The following MYT1L variants were observed in gnomAD, a reference collection of about 807,000 sequenced individuals.
The protein encoded by MYT1L is myelin transcription factor 1 like.
MYT1L carries 12 observed loss-of-function variants against 126.7 expected under a neutral mutation model. The observed-to-expected ratio is 0.09, with a 90% CI of 0.06 to 0.15. The LOEUF (loss-of-function observed/expected upper bound fraction) is 0.15. Among genes scored for constraint, MYT1L ranks in the 10% least tolerant of loss-of-function variants. MYT1L has a pLI of 1.00. For missense variants in MYT1L, 979 were observed against 1,585.2 expected (o/e 0.62, Z 6.49); for synonymous variants, 541 against 604.2 (o/e 0.90, Z 1.53).
intron 10 of MYT1L, among the ~76,000 whole-genome samples, chr2:1,921,558 T>A (rs994904095): frequency 6.6e-6 from 1 of 152,206 alleles, no homozygotes; most frequent in Non-Finnish European, 1.5e-5. Context: ...TTTTTGAGTG[T>A]TTTATAATAA....
intron 2 of MYT1L, among the ~76,000 whole-genome samples, chr2:2,279,421 A>G (rs1186236007): frequency 1.4e-5 from 2 of 143,218 alleles, no homozygotes; most frequent in Admixed American, 6.9e-5. Flanking sequence ...AAGGAGGAAG[A>G]GGGAAAGGTG....
At chr2:2,080,079 G>T (rs2075656280) in intron 3 of MYT1L, among the ~76,000 whole-genome samples, 1 of 152,166 alleles carries the variant, frequency 6.6e-6, no homozygotes, top group Non-Finnish European at 1.5e-5. Flanking sequence ...GGGAAATCAA[G>T]TCTTTTTAAT....
At chr2:1,986,485 A>G (rs1383997252) in intron 5 of MYT1L, among the ~76,000 whole-genome samples, 3 of 152,232 alleles carry the variant, frequency 2.0e-5, no homozygotes, top group African/African-American at 7.2e-5. Context: ...AGCTAATGGA[A>G]CATTTGAAAC....
chr2:1,845,587 G>T (rs1436208106), intron 19 of MYT1L, among the ~76,000 whole-genome samples: 1 of 152,000 alleles, frequency 6.6e-6, no homozygotes, highest in Non-Finnish European at 1.5e-5. Flanking sequence ...CCCCATTGCT[G>T]CTCTCCTCAC....
At chr2:1,854,263 G>A (rs778474632) in intron 18 of MYT1L, among the ~76,000 whole-genome samples, 20 of 152,040 alleles carry the variant, frequency 1.3e-4, no homozygotes, top group South Asian at 6.2e-4. Context: ...GGGTGGCGGG[G>A]GAACACTGTG....
At chr2:1,993,873 G>A (rs895190373) in intron 5 of MYT1L, among the ~76,000 whole-genome samples, 1 of 152,134 alleles carries the variant, frequency 6.6e-6, no homozygotes, top group Non-Finnish European at 1.5e-5. Context: ...GAGGGTAAGC[G>A]TTCTCTCACA....
intron 3 of MYT1L, among the ~76,000 whole-genome samples, chr2:2,111,854 C>T (rs1041154771): frequency 2.0e-5 from 3 of 152,230 alleles, no homozygotes; most frequent in African/African-American, 7.2e-5. Flanking sequence ...CTGGCCTGTG[C>T]CCTGTCTCCT....
At chr2:1,997,523 C>T (rs1200517719) in intron 4 of MYT1L, among the ~76,000 whole-genome samples, 176 bp from the exon 5 acceptor site, 2 of 152,226 alleles carry the variant, frequency 1.3e-5, no homozygotes, top group Non-Finnish European at 2.9e-5. Flanking sequence ...AGTTTATTCT[C>T]CTAGGCTTGA....
chr2:2,260,659 T>A (rs1644930836), intron 2 of MYT1L, among the ~76,000 whole-genome samples: 3 of 133,742 alleles, frequency 2.2e-5, no homozygotes, highest in Admixed American at 2.2e-4. Context: ...GGTGAATTAT[T>A]TTTTTTTTGT....
rs1257180320 is a variant in MYT1L at position 1,959,313 on chromosome 2, T to C, written c.153-15979A>G. Reference sequence around the variant, plus strand: ...TCTGCTCCTTCGGAGAAGACCAAACTCAGACCGTCTGGATGTGAAAGTCCC... The same window carrying C: ...TCTGCTCCTTCGGAGAAGACCAAACCCAGACCGTCTGGATGTGAAAGTCCC... On this transcript the variant is annotated intron_variant, in intron 8 of 24. Transcript: ENST00000647738. Among the ~76,000 whole-genome samples the C allele has an allele frequency of 4.6e-5, 7 of 152,116 alleles. No individual in the cohort carries two copies. The East Asian group carries it at 9.7e-4, about 21-fold the overall frequency.
intron 8 of MYT1L, among the ~76,000 whole-genome samples, chr2:1,970,178 G>A (rs577302184): frequency 3.9e-5 from 6 of 152,242 alleles, no homozygotes; most frequent in South Asian, 2.1e-4. Flanking sequence ...TCCCAGAGCC[G>A]GACTCAGGAG....
intron 1 of MYT1L, among the ~76,000 whole-genome samples, chr2:2,305,326 A>G (rs1030239262): frequency 3.9e-5 from 6 of 152,352 alleles, no homozygotes; most frequent in African/African-American, 1.4e-4. Flanking sequence ...ATTCATTCCT[A>G]CAGTTGATGG....
intron 3 of MYT1L, among the ~76,000 whole-genome samples, chr2:2,091,881 T>G (rs781108601): frequency 2.0e-5 from 3 of 152,218 alleles, no homozygotes; most frequent in Non-Finnish European, 2.9e-5. Context: ...CTTCTGCAGC[T>G]TCCTCATCTC....
chr2:2,229,488 C>G (rs2094108575), intron 2 of MYT1L, among the ~76,000 whole-genome samples: 1 of 151,974 alleles, frequency 6.6e-6, no homozygotes, highest in Non-Finnish European at 1.5e-5. Flanking sequence ...GCTGCGCAGG[C>G]TGAAGTGCAG....
At chr2:2,168,025 T>C (rs2148498892) in intron 3 of MYT1L, among the ~76,000 whole-genome samples, 1 of 152,336 alleles carries the variant, frequency 6.6e-6, no homozygotes, top group East Asian at 1.9e-4. Context: ...ATTTACTTCA[T>C]TTAGATATGT....
rs1001854205 is a variant in MYT1L at position 1,848,591 on chromosome 2, T to C, written c.2774+3050A>G. 2.0e-5 allele frequency among the ~76,000 whole-genome samples: 3 copies of C among 152,190 alleles called. No homozygotes were observed. Among genetic ancestry groups the C allele is most frequent in the African/African-American group, 7.2e-5 (3 of 41,460 alleles). On this transcript the variant is annotated intron_variant, in intron 19 of 24. Coordinates refer to ENST00000647738, the MANE Select transcript of MYT1L (RefSeq NM_001303052.2). This position sits in a 1 kb window ranked among gnomAD's most constrained non-coding sequence, Gnocchi z 4.8. ...GCCTATAGGTAACATTATCTTCCTG[T>C]TCCTGGGAAACAGACAATAGAAGAT... is the stretch of plus-strand genomic sequence containing the variant.
Position 1,801,481 on chromosome 2 carries a change from C to T in MYT1L, c.3276+215G>A. 8.2e-6 allele frequency: 4 copies of T among 485,598 alleles called. No homozygotes were observed. The highest frequency in any genetic ancestry group is 1.4e-5 in the Non-Finnish European group (4 of 276,790). The allele number at this position is 485,598 out of a possible 1,614,324, so 30.1% of individuals were successfully genotyped here. ...TTATTAAAAAACACAAACACACATGCAGACTGAAAACGAGAGAACCACGGC... is the reference window on the plus strand; with the variant it reads ...TTATTAAAAAACACAAACACACATGTAGACTGAAAACGAGAGAACCACGGC... On this transcript the variant is annotated intron_variant, in intron 23 of 24. Coordinates refer to ENST00000647738, the MANE Select transcript of MYT1L (RefSeq NM_001303052.2). This position sits in a 1 kb window ranked among gnomAD's most constrained non-coding sequence, Gnocchi z 4.2.
rs913900540 is a variant in MYT1L, at chr2:1,801,001, G to A, written c.3276+695C>T. On this transcript the variant is annotated intron_variant, in intron 23 of 24. Transcript: ENST00000647738. This position sits in a 1 kb window ranked among gnomAD's most constrained non-coding sequence, Gnocchi z 4.2. ...TTCCACTCCCAGAGTGTACTTCGGC[G>A]GGACCCTAACACAGCAAGGTGGGGG... is the stretch of plus-strand genomic sequence containing the variant. 4.6e-5 allele frequency among the ~76,000 whole-genome samples: 7 copies of A among 152,166 alleles called. No homozygotes were observed. Among genetic ancestry groups the A allele is most frequent in the South Asian group, 2.1e-4 (1 of 4,826 alleles).
chr2:2,052,854 G>C (rs918538590), intron 4 of MYT1L, among the ~76,000 whole-genome samples: 1 of 152,176 alleles, frequency 6.6e-6, no homozygotes, highest in Non-Finnish European at 1.5e-5. Context: ...TTATGGTGCA[G>C]CCACTATTGA....
Sources: gnomAD v4.1 joint callset for allele counts (sites outside exome capture counted in the v4.1 genomes callset) on GRCh38, gnomAD v4.1.1 for gene constraint, Gnocchi (gnomAD v3.1) non-coding constraint, MANE v1.5 for transcripts, NCBI Gene and HGNC (gene_info 2026-07-23, HGNC 2026-07-21) for gene names.